Variants in PLEKHA1 observed in about 807,000 individuals in gnomAD.
The protein encoded by PLEKHA1 is pleckstrin homology domain containing A1.
Under a neutral mutation model 52.0 loss-of-function variants are expected in PLEKHA1, and 34 were observed. The observed-to-expected ratio is 0.65, with a 90% CI of 0.50 to 0.87. The LOEUF is 0.87. Among genes scored for constraint, PLEKHA1 ranks in the 40% least tolerant of loss-of-function variants. The pLI, the probability that PLEKHA1 is intolerant of heterozygous loss-of-function variation, is 0.00. For synonymous variants in PLEKHA1, 163 were observed against 170.7 expected, an observed-to-expected ratio of 0.95 and a Z score of 0.35; for missense variants, 497 against 504.2, an observed-to-expected ratio of 0.99 and a Z score of 0.14.
intron 1 of PLEKHA1, among the ~76,000 whole-genome samples, chr10:122,378,126 C>T (rs749228700): frequency 1.1e-4 from 16 of 152,102 alleles, no homozygotes; most frequent in Non-Finnish European, 1.6e-4. Context: ...AAGGAAAAGA[C>T]GATCACAGGC....
chr10:122,412,913 A>C lies in PLEKHA1; in HGVS notation c.343-7A>C. On this transcript the variant is annotated splice_polypyrimidine_tract_variant and splice_region_variant and intron_variant, in intron 5 of 11. Transcript: ENST00000368990. Reference sequence around the variant, plus strand: ...TGCAAAATGATTCATTTTATTTACTATTTCAGGTACCAAAGCAGTCAGACT... The same window carrying C: ...TGCAAAATGATTCATTTTATTTACTCTTTCAGGTACCAAAGCAGTCAGACT... 1 of 1,612,506 alleles carries C rather than the reference A, an allele frequency of 6.2e-7. No homozygotes were observed.
Position 122,385,662 on chromosome 10 carries a change from T to C in PLEKHA1, c.-20-7519T>C, listed in dbSNP as rs976226145. Among the ~76,000 whole-genome samples the C allele has an allele frequency of 5.7e-4, 86 of 152,212 alleles. 3 individuals are homozygous for C. The highest frequency in any genetic ancestry group is 1.5e-5 in the Non-Finnish European group (1 of 68,042). On this transcript the variant is annotated intron_variant, in intron 1 of 11. Coordinates refer to ENST00000368990, the MANE Select transcript of PLEKHA1 (RefSeq NM_001001974.4). ...TTAATATTACGATTTTGAGATTTAT[T>C]CATGTTGTTGCATCTGTCAGTAGTT... is the stretch of plus-strand genomic sequence containing the variant.
intron 11 of PLEKHA1, among the ~76,000 whole-genome samples, chr10:122,427,857 T>C (rs547134060): frequency 6.6e-6 from 1 of 152,344 alleles, no homozygotes; most frequent in South Asian, 2.1e-4. Flanking sequence ...CTATGACATA[T>C]ATGCTAGTTA....
chr10:122,402,223 G>A (rs981139776), intron 4 of PLEKHA1, among the ~76,000 whole-genome samples: 24 of 152,106 alleles, frequency 1.6e-4, no homozygotes, highest in African/African-American at 5.6e-4. Flanking sequence ...TTTAGAATGG[G>A]TGATTTTAGT....
At chr10:122,390,322 C>G (rs1210439785) in intron 1 of PLEKHA1, among the ~76,000 whole-genome samples, 1 of 152,212 alleles carries the variant, frequency 6.6e-6, no homozygotes, top group Non-Finnish European at 1.5e-5. Flanking sequence ...GTTTCACTTA[C>G]CATTCTTGTG....
At chr10:122,377,761 T>C (rs2133501255) in intron 1 of PLEKHA1, among the ~76,000 whole-genome samples, 1 of 152,306 alleles carries the variant, frequency 6.6e-6, no homozygotes, top group East Asian at 1.9e-4. Flanking sequence ...ATAAGGGATA[T>C]GTGAGTTTGT....
Position 122,396,372 on chromosome 10 carries a change from C to T in PLEKHA1, c.142-1546C>T, listed in dbSNP as rs534429552. 2.0e-4 allele frequency among the ~76,000 whole-genome samples: 30 copies of T among 152,056 alleles called. No individual in the cohort carries two copies. In the East Asian group the frequency reaches 2.9e-3, roughly 15 times the overall value. On this transcript the variant is annotated intron_variant, in intron 2 of 11. Transcript: ENST00000368990. The stretch of plus-strand genomic sequence containing the variant: ...AAACCAAAAACCCATAAATCTAAAA[C>T]GTTATACATAAGAATACAAATAGCT...
chr10:122,385,126 C>T (rs1003344748), intron 1 of PLEKHA1, among the ~76,000 whole-genome samples: 6 of 152,048 alleles, frequency 3.9e-5, no homozygotes, highest in Non-Finnish European at 8.8e-5. Context: ...ATGCCACTTA[C>T]AGTCCTTCCC....
At chr10:122,422,156 G>T (rs1238616754) in intron 8 of PLEKHA1, 1 of 152,068 alleles carries the variant, frequency 6.6e-6, no homozygotes, top group African/African-American at 2.4e-5. Flanking sequence ...AATGGAGAAG[G>T]AAAAATATTT....
At chr10:122,376,550 T>C (rs917780169) in intron 1 of PLEKHA1, among the ~76,000 whole-genome samples, 6 of 149,776 alleles carry the variant, frequency 4.0e-5, no homozygotes, top group African/African-American at 1.5e-4. Context: ...AATATATGTG[T>C]ATACACACCG....
the PLEKHA1 span, chr10:122,439,802 C>T: frequency 6.6e-6 from 1 of 152,088 alleles, no homozygotes; most frequent in East Asian, 1.9e-4. Flanking sequence ...GCTAGGAAAT[C>T]CTCTCAACCT....
intron 1 of PLEKHA1, among the ~76,000 whole-genome samples, chr10:122,380,429 C>G (rs577793607): frequency 3.9e-5 from 6 of 152,232 alleles, no homozygotes; most frequent in East Asian, 1.9e-4. Context: ...ACATGGGGAA[C>G]CAAGGTGGAA....
the PLEKHA1 span, chr10:122,441,654 G>A: frequency 2.0e-5 from 3 of 152,128 alleles, no homozygotes; most frequent in East Asian, 5.8e-4. Context: ...ACTGAAAGAG[G>A]CTGCGTGCAT....
At chr10:122,425,962 ATT>A (rs938731247) in intron 10 of PLEKHA1, among the ~76,000 whole-genome samples, 1 of 151,834 alleles carries the variant, frequency 6.6e-6, no homozygotes, top group Non-Finnish European at 1.5e-5. Context: ...ATATATTGTT[ATT>A]TTTTTCCCAT....
At chr10:122,403,890 C>T (rs1368847727) in intron 4 of PLEKHA1, among the ~76,000 whole-genome samples, 8 of 152,142 alleles carry the variant, frequency 5.3e-5, no homozygotes, top group African/African-American at 1.9e-4. Context: ...CAGGGTTTCA[C>T]CATGTTGGCC....
At chr10:122,426,621 A>G (rs1430983949) in intron 10 of PLEKHA1, among the ~76,000 whole-genome samples, 3 of 152,194 alleles carry the variant, frequency 2.0e-5, no homozygotes, top group Non-Finnish European at 4.4e-5. Context: ...AGATTCAGAC[A>G]GTGTAGCAGT....
At chr10:122,404,416 G>A (rs1031654769) in intron 4 of PLEKHA1, among the ~76,000 whole-genome samples, 1 of 152,094 alleles carries the variant, frequency 6.6e-6, no homozygotes, top group Non-Finnish European at 1.5e-5. Flanking sequence ...TATGTATTAA[G>A]CATTTACTGT....
rs949950433 is a variant in PLEKHA1 at position 122,394,613 on chromosome 10, G to A, written c.141+1272G>A. Among the ~76,000 whole-genome samples, 5 of 152,230 alleles carry A rather than the reference G, an allele frequency of 3.3e-5. No homozygotes were observed. The East Asian group carries it at 9.7e-4, about 29-fold the overall frequency. The stretch of plus-strand genomic sequence containing the variant: ...ACTAGGTCTGCTGATAAGTAGTCTA[G>A]TATTCTTCACTATATACTGATTTTA... On this transcript the variant is annotated intron_variant, in intron 2 of 11. Transcript: ENST00000368990.
intron 4 of PLEKHA1, among the ~76,000 whole-genome samples, chr10:122,405,994 G>A (rs1043123742): frequency 1.3e-5 from 2 of 152,110 alleles, no homozygotes; most frequent in Non-Finnish European, 2.9e-5. Flanking sequence ...TGGGGTCTAG[G>A]AAATATTGTT....
Sources: allele counts gnomAD v4.1 joint callset (sites outside exome capture counted in the v4.1 genomes callset), GRCh38; gene constraint gnomAD v4.1.1; transcripts MANE v1.5; gene names NCBI Gene and HGNC (gene_info 2026-07-23, HGNC 2026-07-21).